The following GNAO1 variants were observed in gnomAD, a reference collection of about 807,000 sequenced individuals.
GNAO1 encodes G protein subunit alpha o1, also known as guanine nucleotide-binding protein G(o) subunit alpha.
For missense variants in GNAO1, 166 were observed against 478.7 expected (o/e 0.35, Z 6.10); for synonymous variants, 164 against 180.7 (o/e 0.91, Z 0.74).
In GNAO1 at chr16:56,266,463, T is replaced by G. The variant is rs150368363; in HGVS notation, c.162-9468T>G. On this transcript the variant is annotated intron_variant, in intron 2 of 8. Transcript: ENST00000262493. ...CTTTGCAAAACATACACATCTTACT[T>G]CTGCCCAACCAGTGGTCCCTCTGAG... Among the ~76,000 whole-genome samples, 175 of 152,304 alleles carry G rather than the reference T, an allele frequency of 1.1e-3. 1 individual carries two copies. Among genetic ancestry groups the G allele is most frequent in the African/African-American group, 4.1e-3 (171 of 41,564 alleles).
At chr16:56,270,802 A>C (rs141977274) in intron 2 of GNAO1, 4 of 152,320 alleles carry the variant, frequency 2.6e-5, no homozygotes, top group Non-Finnish European at 4.4e-5. Context: ...TATTTGGCTC[A>C]TATCACTCAA....
chr16:56,261,055 G>A (rs937906835), intron 2 of GNAO1, among the ~76,000 whole-genome samples: 5 of 152,234 alleles, frequency 3.3e-5, no homozygotes, highest in Non-Finnish European at 5.9e-5. Context: ...TGCAGACATA[G>A]CCATCTTTGT....
At chr16:56,295,818 C>G (rs1180418668) in intron 3 of GNAO1, among the ~76,000 whole-genome samples, 1 of 152,230 alleles carries the variant, frequency 6.6e-6, no homozygotes, top group African/African-American at 2.4e-5. Context: ...CAAAGGCTTC[C>G]TTTCTGAATC....
At chr16:56,347,773 C>T (rs1326076956) in intron 6 of GNAO1, 2 of 838,358 alleles carry the variant, frequency 2.4e-6, no homozygotes, top group Non-Finnish European at 2.9e-6. Flanking sequence ...CCACCCCTCC[C>T]CTCCCTTTCC....
At chr16:56,342,447 G>A (rs1433229602) in intron 6 of GNAO1, among the ~76,000 whole-genome samples, 1 of 152,228 alleles carries the variant, frequency 6.6e-6, no homozygotes, top group Non-Finnish European at 1.5e-5. Context: ...CCTGGAGGCT[G>A]AGGGCCTTCA....
intron 2 of GNAO1, among the ~76,000 whole-genome samples, chr16:56,258,790 C>T (rs1188337977): frequency 6.6e-6 from 1 of 152,230 alleles, no homozygotes; most frequent in Non-Finnish European, 1.5e-5. Flanking sequence ...CCTGCAGCTC[C>T]TCTGGGAGAG....
In GNAO1 at chr16:56,336,905, C is replaced by T. The variant is rs572151875; in HGVS notation, c.723+45C>T. 166 of 1,569,240 alleles carry T rather than the reference C, an allele frequency of 1.1e-4. 1 individual carries two copies. In the Admixed American group the frequency reaches 2.3e-3, roughly 21 times the overall value. The stretch of plus-strand genomic sequence containing the variant: ...CGGGCAGGGGGCAGCGCTGAGGAGA[C>T]GGCCGCAGGATAGGCCAGCCCTCTG... On this transcript the variant is annotated intron_variant, in intron 6 of 8. Coordinates refer to ENST00000262493, the MANE Select transcript of GNAO1 (RefSeq NM_020988.3).
intron 2 of GNAO1, chr16:56,270,137 G>T (rs1425098933): frequency 6.6e-6 from 1 of 152,212 alleles, no homozygotes; most frequent in African/African-American, 2.4e-5. Flanking sequence ...AGGCGGGCTT[G>T]GTTGCCACCC....
At position 56,214,358 on chromosome 16, in the gene GNAO1, C is replaced by T. The variant is rs191696036; in HGVS notation, c.161+21742C>T. On this transcript the variant is annotated intron_variant, in intron 2 of 8. Coordinates refer to ENST00000262493, the MANE Select transcript of GNAO1 (RefSeq NM_020988.3). ...ACCCAGCTTTGGGCTCCACCGTAGA[C>T]GTGCTCAGTAAGCAAGCCTGGGGTC... Among the ~76,000 whole-genome samples the T allele has an allele frequency of 2.5e-3, 384 of 152,290 alleles. 10 individuals are homozygous for T. The highest frequency in any genetic ancestry group is 0.022 in the Admixed American group (337 of 15,300).
chr16:56,324,737 C>T (rs2037614484), intron 3 of GNAO1, among the ~76,000 whole-genome samples: 2 of 152,228 alleles, frequency 1.3e-5, no homozygotes, highest in South Asian at 2.1e-4. Context: ...CGAAGTCAGA[C>T]CCCACGGGCT....
rs1450208504 is a variant in GNAO1 at position 56,311,565 on chromosome 16, G to C, written c.304-17066G>C. Among the ~76,000 whole-genome samples the C allele has an allele frequency of 2.6e-5, 4 of 152,132 alleles. No individual in the cohort carries two copies. Among genetic ancestry groups the C allele is most frequent in the African/African-American group, 9.7e-5 (4 of 41,404 alleles). On this transcript the variant is annotated intron_variant, in intron 3 of 8. Transcript: ENST00000262493. This position sits in a 1 kb window ranked among gnomAD's most constrained non-coding sequence, Gnocchi z 5.2. ...TGTTGGGGTGATGGCGCCTTGGCTGGAGCAGGCCACCCACCTGGCCCTGCG... is the reference window on the plus strand; with the variant it reads ...TGTTGGGGTGATGGCGCCTTGGCTGCAGCAGGCCACCCACCTGGCCCTGCG...
intron 2 of GNAO1, among the ~76,000 whole-genome samples, chr16:56,220,615 G>A (rs1381878286): frequency 6.6e-6 from 1 of 152,206 alleles, no homozygotes; most frequent in Admixed American, 6.5e-5. Context: ...GTTTGAATGT[G>A]CGTCCCCTAC....
intron 3 of GNAO1, among the ~76,000 whole-genome samples, chr16:56,298,105 G>A (rs1051331779): frequency 5.3e-5 from 8 of 152,326 alleles, no homozygotes; most frequent in African/African-American, 1.7e-4. Context: ...CCAGGAGGTC[G>A]AGGCTACGGT....
rs750989126 is a variant in GNAO1, at chr16:56,275,835, C to T, written c.162-96C>T. The T allele has an allele frequency of 4.1e-5, 43 of 1,058,150 alleles. No individual in the cohort carries two copies. In the East Asian group the frequency reaches 1.2e-3, roughly 29 times the overall value. The allele number at this position is 1,058,150 out of a possible 1,614,324, so 65.5% of individuals were successfully genotyped here. On this transcript the variant is annotated intron_variant, in intron 2 of 8. Coordinates refer to ENST00000262493, the MANE Select transcript of GNAO1 (RefSeq NM_020988.3). Reference sequence around the variant, plus strand: ...CAGTAACTCAGCATCTCGGCTGGACCTGGCCCACAGTCAGCCAGTGCGTCT... The same window carrying T: ...CAGTAACTCAGCATCTCGGCTGGACTTGGCCCACAGTCAGCCAGTGCGTCT...
intron 3 of GNAO1, chr16:56,276,973 T>C (rs541131043): frequency 6.6e-6 from 1 of 152,346 alleles, no homozygotes; most frequent in South Asian, 2.1e-4. Flanking sequence ...GATTGTCTAT[T>C]ATACACATGT....
rs957168144 is a variant in GNAO1, at chr16:56,272,292, G to C, written c.162-3639G>C. ...CCGCTGCACTCCAGCCTGGGCGACA[G>C]ACAGAGCGAGACTCCATCTGAAAAA... On this transcript the variant is annotated intron_variant, in intron 2 of 8. Transcript: ENST00000262493. 4.6e-5 allele frequency among the ~76,000 whole-genome samples: 7 copies of C among 152,054 alleles called. No homozygotes were observed. In the East Asian group the frequency reaches 1.4e-3, roughly 29 times the overall value.
chr16:56,330,243 G>A (rs550453668), intron 4 of GNAO1, among the ~76,000 whole-genome samples: 11 of 152,286 alleles, frequency 7.2e-5, no homozygotes, highest in South Asian at 2.1e-4. Context: ...CCACCATTCC[G>A]TATGCACAAA....
In GNAO1 at chr16:56,191,764, G is replaced by T. The variant is rs1202104518; in HGVS notation, c.-472G>T. The T allele has an allele frequency of 3.8e-5, 8 of 210,528 alleles. No individual in the cohort carries two copies. The highest frequency in any genetic ancestry group is 1.6e-4 in the East Asian group (1 of 6,410). 13.0% of individuals were successfully genotyped at this position (210,528 alleles called of 1,614,324 possible). On this transcript the variant is annotated 5_prime_UTR_variant, in exon 1 of 9. Transcript: ENST00000262493. The surrounding 1 kb of genome is among the most constrained non-coding windows in gnomAD (Gnocchi z 4.7). ...CTCCACATCCCGCGCCGCCGCCGCC[G>T]CCTCCTCCACCTCCTCCTCCGCCGC...
rs896666244 is a variant in GNAO1 at position 56,354,256 on chromosome 16, C to T, written c.878-610C>T. Among the ~76,000 whole-genome samples the T allele has an allele frequency of 2.6e-5, 4 of 152,216 alleles. No homozygotes were observed. The highest frequency in any genetic ancestry group is 9.6e-5 in the African/African-American group (4 of 41,464). On this transcript the variant is annotated intron_variant, in intron 7 of 8. Coordinates refer to ENST00000262493, the MANE Select transcript of GNAO1 (RefSeq NM_020988.3). The surrounding 1 kb of genome is among the most constrained non-coding windows in gnomAD (Gnocchi z 4.3). ...CATCTGTGGCCACTGCTGTCCCAGG[C>T]GGGGCTTCCGGGTGGATCTGGTGTG...
Sources: allele counts gnomAD v4.1 joint callset (sites outside exome capture counted in the v4.1 genomes callset), GRCh38; gene constraint gnomAD v4.1.1; non-coding constraint Gnocchi (gnomAD v3.1); transcripts MANE v1.5; gene names NCBI Gene and HGNC (gene_info 2026-07-23, HGNC 2026-07-21).